The following COL25A1 variants were observed in gnomAD, a reference collection of about 807,000 sequenced individuals.
The protein encoded by COL25A1 is collagen type XXV alpha 1 chain.
Under a neutral mutation model 128.4 loss-of-function variants are expected in COL25A1, and 103 were observed. The observed-to-expected ratio is 0.80, with a 90% CI of 0.68 to 0.94. COL25A1 has a LOEUF of 0.94. Among genes scored for constraint, COL25A1 ranks in the 40% least tolerant of loss-of-function variants. COL25A1 has a pLI of 0.00. For missense variants in COL25A1, 745 were observed against 840.0 expected (o/e 0.89, Z 1.40); for synonymous variants, 279 against 277.2 (o/e 1.01, Z -0.06).
intron 3 of COL25A1, among the ~76,000 whole-genome samples, chr4:109,196,004 C>T (rs989228417): frequency 6.6e-6 from 1 of 152,236 alleles, no homozygotes; most frequent in African/African-American, 2.4e-5. Flanking sequence ...TTGTCCTGCC[C>T]CTGAAATAGC....
chr4:109,149,269 T>C (rs1771240942), intron 3 of COL25A1, among the ~76,000 whole-genome samples: 1 of 152,242 alleles, frequency 6.6e-6, no homozygotes, highest in African/African-American at 2.4e-5. Context: ...GGTTTCCTAT[T>C]GGATCATTTG....
rs141289694 is a variant in COL25A1, at chr4:108,885,004, C to T, written c.976-782G>A. 1.8e-3 allele frequency among the ~76,000 whole-genome samples: 279 copies of T among 152,226 alleles called. 2 individuals are homozygous for T. The highest frequency in any genetic ancestry group is 6.4e-3 in the African/African-American group (267 of 41,542). ...TGCTTAGAAAATCTCCTGAATTCTA[C>T]TAAAGAAGTATAAAGGAATCTCAGG... is the stretch of plus-strand genomic sequence containing the variant. On this transcript the variant is annotated intron_variant, in intron 18 of 37. Coordinates refer to ENST00000399132, the MANE Select transcript of COL25A1 (RefSeq NM_198721.4).
chr4:109,083,022 G>A (rs1210741047), intron 3 of COL25A1, among the ~76,000 whole-genome samples: 1 of 152,134 alleles, frequency 6.6e-6, no homozygotes, highest in Non-Finnish European at 1.5e-5. Context: ...TATAAAGTAA[G>A]TTTGATACAG....
chr4:109,223,828 T>C (rs941378128), intron 3 of COL25A1, among the ~76,000 whole-genome samples: 1 of 152,164 alleles, frequency 6.6e-6, no homozygotes, highest in Non-Finnish European at 1.5e-5. Context: ...TACTAAATAA[T>C]GTCTTTTAGA....
rs1182865058 is a variant in COL25A1, at chr4:108,811,896, T to G, written c.*2031A>C. 2 of 152,192 alleles carry G rather than the reference T, an allele frequency of 1.3e-5. No individual in the cohort carries two copies. The highest frequency in any genetic ancestry group is 6.5e-5 in the Admixed American group (1 of 15,282). 9.4% of individuals were successfully genotyped at this position (152,192 alleles called of 1,614,324 possible). A position where few individuals can be genotyped will look rare whatever the true frequency, so the allele number is the denominator to read the frequency against. On this transcript the variant is annotated 3_prime_UTR_variant, in exon 38 of 38. Transcript: ENST00000399132. ...TGGTTACATAACATAAATGAGATCA[T>G]GAGGATTTTAGGTTCCTTGTCTTAT...
rs1452687 is a variant in COL25A1, at chr4:108,850,170, T to C, written c.1390-1367A>G. ...GTGTTTAAAAGGAAAACATAATTCA[T>C]GAGTTATTCATTTATCCTTCACCCC... On this transcript the variant is annotated intron_variant, in intron 26 of 37. Transcript: ENST00000399132. 6.8e-3 allele frequency among the ~76,000 whole-genome samples: 1,038 copies of C among 152,290 alleles called. 36 individuals carry two copies. The highest frequency in any genetic ancestry group is 0.048 in the Admixed American group (740 of 15,276).
intron 6 of COL25A1, among the ~76,000 whole-genome samples, chr4:108,977,274 A>G (rs897031180): frequency 3.9e-5 from 6 of 152,248 alleles, no homozygotes; most frequent in Non-Finnish European, 7.3e-5. Context: ...AATGGAAATC[A>G]ACTTTATAAA....
At position 108,909,518 on chromosome 4, in the gene COL25A1, A is replaced by G. The variant is rs571478885; in HGVS notation, c.781-8346T>C. Among the ~76,000 whole-genome samples, 6 of 152,342 alleles carry G rather than the reference A, an allele frequency of 3.9e-5. No homozygotes were observed. In the South Asian group the frequency reaches 1.2e-3, roughly 32 times the overall value. The stretch of plus-strand genomic sequence containing the variant: ...AAGAAAACATGTTAGTTGTATCAAT[A>G]ATATAATAGTATGAGGTGTTTCAGA... On this transcript the variant is annotated intron_variant, in intron 13 of 37. Transcript: ENST00000399132.
At chr4:109,134,708 G>A (rs766521300) in intron 3 of COL25A1, among the ~76,000 whole-genome samples, 59 of 152,060 alleles carry the variant, frequency 3.9e-4, no homozygotes, top group Non-Finnish European at 6.8e-4. Context: ...CTAGATGGAC[G>A]GTGAAGCTAT....
At chr4:109,005,428 C>T (rs140887201) in intron 6 of COL25A1, among the ~76,000 whole-genome samples, 103 of 152,260 alleles carry the variant, frequency 6.8e-4, no homozygotes, top group African/African-American at 2.5e-3. Flanking sequence ...CCATATCAAT[C>T]CCCCAACTTA....
Position 108,988,872 on chromosome 4 carries a change from T to G in COL25A1, c.439-14313A>C, listed in dbSNP as rs528741187. 3.3e-5 allele frequency among the ~76,000 whole-genome samples: 5 copies of G among 152,322 alleles called. No homozygotes were observed. The South Asian group carries it at 1.0e-3, about 32-fold the overall frequency. ...TTTCTCAATTTCCTTCCCTGGACCT[T>G]TCCGTCTTCTGCAATTCATAATTAA... On this transcript the variant is annotated intron_variant, in intron 6 of 37. Transcript: ENST00000399132.
chr4:108,920,619 C>T lies in COL25A1; in HGVS notation c.709-15G>A, dbSNP rs576893658. 31 of 1,596,236 alleles carry T rather than the reference C, an allele frequency of 1.9e-5. No homozygotes were observed. Among genetic ancestry groups the T allele is most frequent in the East Asian group, 4.5e-5 (2 of 44,546 alleles). ...CCTAGAGGACCCTAAAAAAGAAAAA[C>T]GATTCAATTAACATACTATTGTAGC... On this transcript the variant is annotated splice_polypyrimidine_tract_variant and intron_variant, in intron 11 of 37. Transcript: ENST00000399132.
At chr4:109,275,424 G>T (rs902801050) in intron 3 of COL25A1, among the ~76,000 whole-genome samples, 3 of 152,164 alleles carry the variant, frequency 2.0e-5, no homozygotes, top group African/African-American at 7.2e-5. Context: ...GTTTCATAGG[G>T]TTTAGGCTAA....
chr4:109,265,963 T>C (rs147456544), intron 3 of COL25A1, among the ~76,000 whole-genome samples: 5 of 152,246 alleles, frequency 3.3e-5, no homozygotes, highest in Non-Finnish European at 7.4e-5. Context: ...GCCCTTCTCT[T>C]TTCTCAGGTA....
chr4:109,244,056 A>C (rs1240000209), intron 3 of COL25A1, among the ~76,000 whole-genome samples: 1 of 151,786 alleles, frequency 6.6e-6, no homozygotes, highest in Non-Finnish European at 1.5e-5. Context: ...ACTACAGTAA[A>C]CCCCTACTTT....
chr4:109,253,489 G>C (rs75992736), intron 3 of COL25A1, among the ~76,000 whole-genome samples: 2 of 152,102 alleles, frequency 1.3e-5, no homozygotes, highest in East Asian at 1.9e-4. Context: ...CACCCACATC[G>C]GGGAAGGCCA....
intron 9 of COL25A1, among the ~76,000 whole-genome samples, chr4:108,940,971 C>CAGTT (rs1748016579): frequency 6.6e-6 from 1 of 152,156 alleles, no homozygotes; most frequent in African/African-American, 2.4e-5. Flanking sequence ...AACACTGCAT[C>CAGTT]AGTTACATTC....
At chr4:109,113,255 G>A (rs1196267434) in intron 3 of COL25A1, among the ~76,000 whole-genome samples, 1 of 152,058 alleles carries the variant, frequency 6.6e-6, no homozygotes, top group East Asian at 1.9e-4. Flanking sequence ...AAATTGTTTT[G>A]CAGCTCTGGG....
At chr4:109,219,344 C>G (rs11943443) in intron 3 of COL25A1, among the ~76,000 whole-genome samples, 13,139 of 152,104 alleles carry the variant, frequency 0.086, 1,184 homozygotes, top group African/African-American at 0.23. Flanking sequence ...TGCTTCTCAG[C>G]ACCTGTTATT....
Sources: gnomAD v4.1 joint callset for allele counts (sites outside exome capture counted in the v4.1 genomes callset) on GRCh38, gnomAD v4.1.1 for gene constraint, MANE v1.5 for transcripts, NCBI Gene and HGNC (gene_info 2026-07-23, HGNC 2026-07-21) for gene names.